ABCB1: variants seen among roughly 807,000 people sequenced by gnomAD.
ABCB1 encodes ATP-dependent translocase ABCB1.
ABCB1 carries 69 observed loss-of-function variants against 142.0 expected under a neutral mutation model. The ratio of observed to expected loss-of-function variants is 0.49; its 90% CI spans 0.40 to 0.59. The LOEUF is 0.59. ABCB1 is among the 20% of genes least tolerant of loss of function. ABCB1 has a pLI of 0.00. For synonymous variants in ABCB1, 532 were observed against 539.2 expected (o/e 0.99, Z 0.18); for missense variants, 1,326 against 1,554.7 (o/e 0.85, Z 2.47).
chr7:87,611,210 G>A (rs1819839104), intron 1 of ABCB1, among the ~76,000 whole-genome samples: 2 of 152,198 alleles, frequency 1.3e-5, no homozygotes, highest in South Asian at 4.1e-4. Context: ...ATAGCCTCAG[G>A]CCACTTCTCC....
intron 1 of ABCB1, among the ~76,000 whole-genome samples, chr7:87,661,442 C>T (rs2130452480): frequency 6.6e-6 from 1 of 151,560 alleles, no homozygotes; most frequent in African/African-American, 2.4e-5. Context: ...CCTCTGGTAA[C>T]CATTATTTTA....
chr7:87,581,876 A>G (rs911268306), intron 4 of ABCB1, among the ~76,000 whole-genome samples: 1 of 152,184 alleles, frequency 6.6e-6, no homozygotes, highest in Non-Finnish European at 1.5e-5. Context: ...GGTTCTGCCT[A>G]GGGAAGGGCA....
At chr7:87,633,259 G>A (rs772185497) in intron 1 of ABCB1, among the ~76,000 whole-genome samples, 9 of 152,146 alleles carry the variant, frequency 5.9e-5, no homozygotes, top group East Asian at 1.9e-4. Context: ...TTATTTAAGC[G>A]CACAAGTTTA....
At chr7:87,613,272 T>TTTTTTTTTTC (rs1819923291) in intron 1 of ABCB1, among the ~76,000 whole-genome samples, 1 of 145,760 alleles carries the variant, frequency 6.9e-6, no homozygotes, top group Non-Finnish European at 1.5e-5. Context: ...TTTTTTTTTT[T>TTTTTTTTTTC]TTTTTTTTTG....
intron 8 of ABCB1, among the ~76,000 whole-genome samples, chr7:87,555,101 A>G (rs1053944009): frequency 3.9e-5 from 6 of 152,234 alleles, no homozygotes; most frequent in Non-Finnish European, 5.9e-5. Context: ...CTTCATTTGA[A>G]AGGAACAGAG....
intron 1 of ABCB1, among the ~76,000 whole-genome samples, chr7:87,619,762 G>GTA (rs1479113272): frequency 2.0e-5 from 3 of 148,184 alleles, no homozygotes; most frequent in Admixed American, 2.0e-4. Flanking sequence ...GTGTGTGTGT[G>GTA]TGTATATATA....
chr7:87,526,401 C>T (rs1041916960), intron 21 of ABCB1, among the ~76,000 whole-genome samples: 1 of 151,820 alleles, frequency 6.6e-6, no homozygotes, highest in African/African-American at 2.4e-5. Context: ...TTATGAGTGG[C>T]GAGGCACAGT....
At chr7:87,594,911 A>C (rs1318159991) in intron 3 of ABCB1, among the ~76,000 whole-genome samples, 1 of 152,184 alleles carries the variant, frequency 6.6e-6, no homozygotes, top group African/African-American at 2.4e-5. Context: ...GTTATGACTG[A>C]ATTATAAAGC....
rs28401797 is a variant in ABCB1 at position 87,515,543 on chromosome 7, C to T, written c.3085-115G>A. ...GATAATTAATTTGTGTTACAATTGG[C>T]TTCACTTCAAACTGCTAGAATTTAT... On this transcript the variant is annotated intron_variant, in intron 24 of 27. Coordinates refer to ENST00000622132, the MANE Select transcript of ABCB1 (RefSeq NM_001348946.2). The T allele has an allele frequency of 1.6e-3, 1,315 of 847,322 alleles. 15 individuals are homozygous for T. The African/African-American group carries it at 0.019, about 12-fold the overall frequency. The allele number at this position is 847,322 out of a possible 1,614,324, so 52.5% of individuals were successfully genotyped here. A position where few individuals can be genotyped will look rare whatever the true frequency, so the allele number is the denominator to read the frequency against.
chr7:87,668,809 C>T (rs1825533713), intron 1 of ABCB1, among the ~76,000 whole-genome samples: 1 of 152,020 alleles, frequency 6.6e-6, no homozygotes, highest in South Asian at 2.1e-4. Context: ...ATAGTCTTGA[C>T]TTCTATTTTT....
intron 26 of ABCB1, among the ~76,000 whole-genome samples, chr7:87,506,622 A>ATTTT (rs1563025238): frequency 6.6e-6 from 1 of 152,144 alleles, no homozygotes; most frequent in Non-Finnish European, 1.5e-5. Context: ...TTGTTGTTAG[A>ATTTT]GTGCTCCCAA....
At chr7:87,685,073 CAA>C (rs552057859) in intron 1 of ABCB1, among the ~76,000 whole-genome samples, 2 of 151,496 alleles carry the variant, frequency 1.3e-5, no homozygotes, top group Non-Finnish European at 1.5e-5. Flanking sequence ...ATCCATTAAA[CAA>C]AAAAAATTGA....
At chr7:87,544,024 G>T (rs995344233) in intron 17 of ABCB1, 105 bp downstream of exon 17, 1 of 1,363,774 alleles carries the variant, frequency 7.3e-7, no homozygotes, top group East Asian at 2.3e-5. Context: ...ATGGAGATAC[G>T]TGGATTTTGT....
chr7:87,600,295 A>G (rs1394018294), intron 1 of ABCB1, 105 bp from the exon 2 acceptor site: 2 of 926,264 alleles, frequency 2.2e-6, no homozygotes, highest in African/African-American at 1.6e-5. Context: ...AGTAAGAGGG[A>G]GCGCCCGCCG....
intron 10 of ABCB1, 68 bp from the exon 11 acceptor site, chr7:87,550,646 A>G: frequency 6.4e-7 from 1 of 1,570,576 alleles, no homozygotes; most frequent in Non-Finnish European, 8.8e-7. Context: ...TTTTGTGGAG[A>G]GCTGGATAAA....
chr7:87,660,740 A>C (rs78551386), intron 1 of ABCB1, among the ~76,000 whole-genome samples: 1 of 151,836 alleles, frequency 6.6e-6, no homozygotes, highest in Non-Finnish European at 1.5e-5. Context: ...GCTTTGGCTA[A>C]ATTTATGTTT....
intron 4 of ABCB1, among the ~76,000 whole-genome samples, chr7:87,579,253 G>A (rs1818406984): frequency 6.6e-6 from 1 of 151,912 alleles, no homozygotes; most frequent in Non-Finnish European, 1.5e-5. Flanking sequence ...AGGACTTTCA[G>A]TATTATGCTG....
At chr7:87,651,956 G>C (rs1823622050) in intron 1 of ABCB1, among the ~76,000 whole-genome samples, 2 of 151,438 alleles carry the variant, frequency 1.3e-5, no homozygotes, top group African/African-American at 4.8e-5. Context: ...GGTTTTTTTT[G>C]TCCTTTTTGC....
chr7:87,600,226 G>T (rs765769995), intron 1 of ABCB1, 36 bp from the exon 2 acceptor site: 1 of 1,581,840 alleles, frequency 6.3e-7, no homozygotes, highest in South Asian at 1.1e-5. Context: ...CCAAATGCAT[G>T]AGCCTCAGGC....
Sources: gnomAD v4.1 joint callset for allele counts (sites outside exome capture counted in the v4.1 genomes callset) on GRCh38, gnomAD v4.1.1 for gene constraint, MANE v1.5 for transcripts, NCBI Gene and HGNC (gene_info 2026-07-23, HGNC 2026-07-21) for gene names.